The following MRTFB variants were observed in gnomAD, a reference collection of about 807,000 sequenced individuals.
MRTFB encodes the protein myocardin related transcription factor B, also known as myocardin-related transcription factor B.
A neutral mutation model predicts 104.2 loss-of-function variants in MRTFB; 29 were observed. The observed-to-expected ratio is 0.28, with a 90% CI of 0.21 to 0.38. The LOEUF is 0.38. MRTFB is among the 10% of genes least tolerant of loss of function. MRTFB has a pLI of 1.00. For missense variants in MRTFB, 1,270 were observed against 1,341.6 expected, an observed-to-expected ratio of 0.95 and a Z score of 0.83; for synonymous variants, 535 against 519.5, an observed-to-expected ratio of 1.03 and a Z score of -0.41.
chr16:14,187,158 T>TG, intron 3 of MRTFB: 1 of 752,764 alleles, frequency 1.3e-6, no homozygotes, highest in South Asian at 2.0e-5. Context: ...ACCTTACACA[T>TG]TCTAAGTTCT....
chr16:14,000,924 A>T, the MRTFB span, among the ~76,000 whole-genome samples: 2 of 152,350 alleles, frequency 1.3e-5, no homozygotes, highest in East Asian at 3.9e-4. Flanking sequence ...TAAAATGGTG[A>T]TCAAAATAAA....
chr16:14,240,891 C>A (rs2042738272), intron 10 of MRTFB: 1 of 620,792 alleles, frequency 1.6e-6, no homozygotes, highest in South Asian at 2.0e-5. Context: ...AAGACAGGAT[C>A]TTTGTATATA....
rs1020590785 is a variant in MRTFB, at chr16:14,234,319, T to G, written c.831+36T>G. On this transcript the variant is annotated intron_variant, in intron 9 of 16. Coordinates refer to ENST00000571589, the MANE Select transcript of MRTFB (RefSeq NM_001308142.2). ...TGGATACACCCTGGGTTTGGTGGCTTTATTTGTGACTCTGTCTATAACCCT... is the reference window on the plus strand; with the variant it reads ...TGGATACACCCTGGGTTTGGTGGCTGTATTTGTGACTCTGTCTATAACCCT... 2.5e-6 allele frequency: 4 copies of G among 1,606,896 alleles called. No individual in the cohort carries two copies. The African/African-American group carries it at 4.0e-5, about 16-fold the overall frequency.
chr16:14,241,503 A>T (rs1022532396), intron 10 of MRTFB: 2 of 152,238 alleles, frequency 1.3e-5, no homozygotes, highest in African/African-American at 4.8e-5. Flanking sequence ...CTCACTTTTC[A>T]TGAAAAAGAA....
intron 2 of MRTFB, among the ~76,000 whole-genome samples, 194 bp downstream of exon 2, chr16:14,079,548 A>G (rs1355796431): frequency 3.9e-5 from 6 of 152,106 alleles, no homozygotes; most frequent in Non-Finnish European, 8.8e-5. Context: ...GACGTTCTCA[A>G]CCTCTTCGAA....
At chr16:14,113,867 C>T (rs928244650) in intron 2 of MRTFB, among the ~76,000 whole-genome samples, 14 of 152,142 alleles carry the variant, frequency 9.2e-5, no homozygotes, top group African/African-American at 3.4e-4. Context: ...TTTCCAGGTA[C>T]ATTTAGTTAA....
chr16:14,212,018 A>G (rs1410855646), intron 4 of MRTFB, among the ~76,000 whole-genome samples: 1 of 152,190 alleles, frequency 6.6e-6, no homozygotes, highest in South Asian at 2.1e-4. Context: ...TATAGCTTAT[A>G]TGACCATTAA....
the MRTFB span, among the ~76,000 whole-genome samples, chr16:14,061,925 C>A: frequency 6.6e-6 from 1 of 152,150 alleles, no homozygotes; most frequent in Non-Finnish European, 1.5e-5. Flanking sequence ...CCCTTCCTCC[C>A]TGTACCAGTG....
chr16:14,039,606 T>C, the MRTFB span, among the ~76,000 whole-genome samples: 1 of 152,068 alleles, frequency 6.6e-6, no homozygotes, highest in Non-Finnish European at 1.5e-5. Flanking sequence ...TACATATATG[T>C]ATATGCATAA....
At chr16:14,206,777 A>G (rs564136155) in intron 3 of MRTFB, among the ~76,000 whole-genome samples, 3 of 152,230 alleles carry the variant, frequency 2.0e-5, no homozygotes, top group South Asian at 4.2e-4. Context: ...CTGAGCTCCA[A>G]TGATCTGCCA....
At chr16:14,073,781 A>G (rs1415503636) in intron 1 of MRTFB, among the ~76,000 whole-genome samples, 2 of 152,234 alleles carry the variant, frequency 1.3e-5, no homozygotes, top group Non-Finnish European at 2.9e-5. Flanking sequence ...GCTTACTAAT[A>G]TCTATATTAG....
the MRTFB span, among the ~76,000 whole-genome samples, chr16:14,007,369 C>T: frequency 5.3e-5 from 8 of 152,198 alleles, no homozygotes; most frequent in Non-Finnish European, 7.4e-5. Flanking sequence ...CTTCACTTAA[C>T]ATCATGCTTT....
the MRTFB span, among the ~76,000 whole-genome samples, chr16:14,024,365 T>C: frequency 2.6e-5 from 4 of 152,234 alleles, no homozygotes; most frequent in African/African-American, 9.6e-5. Flanking sequence ...ACACTGTATT[T>C]CCTACTGGTC....
intron 2 of MRTFB, among the ~76,000 whole-genome samples, chr16:14,098,866 G>A (rs1000899153): frequency 2.6e-5 from 4 of 152,108 alleles, no homozygotes; most frequent in South Asian, 4.1e-4. Context: ...AGTTGCCTTT[G>A]CATCTTTATA....
intron 8 of MRTFB, among the ~76,000 whole-genome samples, chr16:14,226,537 T>G (rs909062221): frequency 6.6e-6 from 1 of 152,196 alleles, no homozygotes; most frequent in African/African-American, 2.4e-5. Context: ...ATTGACTCCA[T>G]AGACAAAGAT....
chr16:14,022,343 C>G, the MRTFB span, among the ~76,000 whole-genome samples: 1 of 152,340 alleles, frequency 6.6e-6, no homozygotes, highest in South Asian at 2.1e-4. Context: ...CAGGACTTAA[C>G]AACTCTATCA....
At chr16:14,244,945 C>T (rs1276553797) in intron 10 of MRTFB, among the ~76,000 whole-genome samples, 1 of 152,164 alleles carries the variant, frequency 6.6e-6, no homozygotes, top group Non-Finnish European at 1.5e-5. Flanking sequence ...AGATACTATC[C>T]TGAGTGTTTT....
At chr16:14,118,208 C>T (rs928655808) in intron 2 of MRTFB, among the ~76,000 whole-genome samples, 1 of 150,212 alleles carries the variant, frequency 6.7e-6, no homozygotes, top group South Asian at 2.1e-4. Flanking sequence ...ATGATCTCGA[C>T]TCACTGCCCC....
the MRTFB span, among the ~76,000 whole-genome samples, chr16:14,036,976 T>G: frequency 6.8e-6 from 1 of 147,852 alleles, no homozygotes; most frequent in African/African-American, 2.5e-5. Context: ...TTTTTTTTTC[T>G]AGAGATTCCA....
Sources: gnomAD v4.1 joint callset for allele counts (sites outside exome capture counted in the v4.1 genomes callset) on GRCh38, gnomAD v4.1.1 for gene constraint, MANE v1.5 for transcripts, NCBI Gene and HGNC (gene_info 2026-07-23, HGNC 2026-07-21) for gene names.